CRISPLD2: variants seen among roughly 807,000 people sequenced by gnomAD.
CRISPLD2 encodes cysteine rich secretory protein LCCL domain containing 2.
Under a neutral mutation model 71.1 loss-of-function variants are expected in CRISPLD2, and 47 were observed. The ratio of observed to expected loss-of-function variants is 0.66; its 90% confidence interval spans 0.52 to 0.84. The LOEUF is 0.84. CRISPLD2 is among the 40% of genes least tolerant of loss of function. The pLI is 0.00. For synonymous variants in CRISPLD2, 317 were observed against 250.1 expected (o/e 1.27, Z -2.52); for missense variants, 830 against 651.1 (o/e 1.27, Z -2.99).
At chr16:84,886,851 T>C (rs1331566450) in intron 13 of CRISPLD2, among the ~76,000 whole-genome samples, 1 of 152,192 alleles carries the variant, frequency 6.6e-6, no homozygotes, top group African/African-American at 2.4e-5. Flanking sequence ...CTTACCCTCT[T>C]AACCATTGTT....
At chr16:84,827,724 G>A (rs967904333) in intron 1 of CRISPLD2, among the ~76,000 whole-genome samples, 2 of 151,914 alleles carry the variant, frequency 1.3e-5, no homozygotes, top group South Asian at 2.1e-4. Flanking sequence ...GTGCCACCAC[G>A]CCCAGCTAAT....
At chr16:84,853,888 G>A (rs1482968084) in intron 5 of CRISPLD2, among the ~76,000 whole-genome samples, 1 of 152,226 alleles carries the variant, frequency 6.6e-6, no homozygotes. Context: ...GCACATGCTG[G>A]CAGCCTGGGG....
chr16:84,873,664 T>C (rs1292784036), intron 10 of CRISPLD2, among the ~76,000 whole-genome samples: 2 of 152,152 alleles, frequency 1.3e-5, no homozygotes, highest in African/African-American at 4.8e-5. Flanking sequence ...AAATTTATCT[T>C]ATACATTTGA....
chr16:84,872,899 A>C, intron 9 of CRISPLD2, 93 bp from the exon 10 acceptor site: 1 of 1,467,420 alleles, frequency 6.8e-7, no homozygotes, highest in Non-Finnish European at 9.2e-7. Context: ...TCAGGCTTTT[A>C]GTGAGTTGAG....
At chr16:84,865,421 G>A (rs1181827362) in intron 6 of CRISPLD2, among the ~76,000 whole-genome samples, 1 of 152,194 alleles carries the variant, frequency 6.6e-6, no homozygotes, top group Non-Finnish European at 1.5e-5. Flanking sequence ...TTCCCAAAGT[G>A]CTGGGATTAC....
chr16:84,879,655 C>T (rs1021233333), intron 12 of CRISPLD2, among the ~76,000 whole-genome samples: 5 of 152,128 alleles, frequency 3.3e-5, no homozygotes, highest in African/African-American at 9.7e-5. Flanking sequence ...AGCCACTGCA[C>T]CTGGCCTTCT....
chr16:84,856,319 T>G (rs1459935914), intron 6 of CRISPLD2, among the ~76,000 whole-genome samples: 2 of 152,210 alleles, frequency 1.3e-5, no homozygotes, highest in African/African-American at 4.8e-5. Flanking sequence ...GTAGACTGAT[T>G]TCATCTTGAT....
chr16:84,830,734 A>G (rs1916468199), intron 1 of CRISPLD2, among the ~76,000 whole-genome samples: 1 of 152,206 alleles, frequency 6.6e-6, no homozygotes, highest in African/African-American at 2.4e-5. Context: ...TCATATTTAA[A>G]AAGAAGGTAA....
intron 14 of CRISPLD2, among the ~76,000 whole-genome samples, chr16:84,895,763 G>C (rs926740412): frequency 6.6e-6 from 1 of 152,176 alleles, no homozygotes; most frequent in South Asian, 2.1e-4. Context: ...CCTAGCAGGG[G>C]CGATGGCATT....
rs577804151 is a variant in CRISPLD2, at chr16:84,844,978, A to G, written c.241-808A>G. Among the ~76,000 whole-genome samples the G allele has an allele frequency of 7.2e-5, 11 of 152,314 alleles. 1 individual carries two copies. The South Asian group carries it at 2.1e-3, about 29-fold the overall frequency. On this transcript the variant is annotated intron_variant, in intron 2 of 14. Transcript: ENST00000262424. Reference sequence around the variant, plus strand: ...ACTGCGTGCCTAGGTTCACACTGCCATTCCAGGACCAGCATTCAGAGCGCC... The same window carrying G: ...ACTGCGTGCCTAGGTTCACACTGCCGTTCCAGGACCAGCATTCAGAGCGCC...
intron 1 of CRISPLD2, among the ~76,000 whole-genome samples, chr16:84,835,660 C>G (rs1052503827): frequency 2.6e-5 from 4 of 152,232 alleles, no homozygotes; most frequent in Admixed American, 6.5e-5. Flanking sequence ...CCTTTTCCTT[C>G]TGTTGTCTTC....
intron 8 of CRISPLD2, 77 bp from the exon 9 acceptor site, chr16:84,872,365 G>GA (rs1483729814): frequency 1.2e-5 from 15 of 1,229,556 alleles, no homozygotes; most frequent in Non-Finnish European, 1.6e-5. Context: ...AGCCATCGAT[G>GA]AAAAAAATGA....
intron 1 of CRISPLD2, among the ~76,000 whole-genome samples, chr16:84,827,452 C>G (rs1454343240): frequency 6.6e-6 from 1 of 152,184 alleles, no homozygotes; most frequent in African/African-American, 2.4e-5. Context: ...CCCCATTCCT[C>G]CCCAGCTTCA....
chr16:84,891,928 A>G (rs1286508706), intron 14 of CRISPLD2, among the ~76,000 whole-genome samples: 1 of 152,214 alleles, frequency 6.6e-6, no homozygotes. Flanking sequence ...CCTCCCAAGC[A>G]CACATGTCAC....
chr16:84,860,675 A>G (rs1587272), intron 6 of CRISPLD2, among the ~76,000 whole-genome samples: 14,194 of 152,190 alleles, frequency 0.093, 798 homozygotes, highest in Admixed American at 0.17. Flanking sequence ...CAGCATTTAC[A>G]AGCTCAGTGT....
intron 6 of CRISPLD2, among the ~76,000 whole-genome samples, chr16:84,855,359 G>C (rs896527240): frequency 1.3e-5 from 2 of 152,188 alleles, no homozygotes; most frequent in East Asian, 1.9e-4. Context: ...CCATCTGCAA[G>C]TTGAGGAACA....
At chr16:84,848,051 A>G (rs1916963507) in intron 3 of CRISPLD2, among the ~76,000 whole-genome samples, 1 of 152,196 alleles carries the variant, frequency 6.6e-6, no homozygotes, top group East Asian at 1.9e-4. Context: ...GGGCACACAG[A>G]CTTCCCCCTT....
chr16:84,872,418 A>G lies in CRISPLD2; in HGVS notation c.915-24A>G, dbSNP rs767898029. 12 of 1,604,814 alleles carry G rather than the reference A, an allele frequency of 7.5e-6. No homozygotes were observed. In the South Asian group the frequency reaches 1.3e-4, roughly 18 times the overall value. ...GTAATCAACGTGCTTATCTCTGAAC[A>G]TCATTTTATTTCTTCCTCGTCAGGT... On this transcript the variant is annotated intron_variant, in intron 8 of 14. Coordinates refer to ENST00000262424, the MANE Select transcript of CRISPLD2 (RefSeq NM_031476.4).
intron 6 of CRISPLD2, among the ~76,000 whole-genome samples, chr16:84,865,152 T>C (rs956778474): frequency 1.3e-5 from 2 of 151,520 alleles, no homozygotes; most frequent in Non-Finnish European, 2.9e-5. Context: ...CTGATGAAAC[T>C]TGGATTTTTT....
Sources: gnomAD v4.1 joint callset for allele counts (sites outside exome capture counted in the v4.1 genomes callset) on GRCh38, gnomAD v4.1.1 for gene constraint, MANE v1.5 for transcripts, NCBI Gene and HGNC (gene_info 2026-07-23, HGNC 2026-07-21) for gene names.